Variants in ZNF521 observed in about 807,000 individuals in gnomAD.
ZNF521 encodes zinc finger protein 521.
A neutral mutation model predicts 105.5 loss-of-function variants in ZNF521; 14 were observed. The observed-to-expected ratio is 0.13, with a 90% CI of 0.09 to 0.21. ZNF521 has a LOEUF of 0.21. ZNF521 is among the 10% of genes least tolerant of loss of function. The pLI is 1.00. For synonymous variants in ZNF521, 635 were observed against 606.0 expected (o/e 1.05, Z -0.70); for missense variants, 1,233 against 1,629.7 (o/e 0.76, Z 4.19).
At position 25,344,435 on chromosome 18, in the gene ZNF521, C is replaced by G. The variant is rs76782666; in HGVS notation, c.40+6472G>C. On this transcript the variant is annotated intron_variant, in intron 2 of 7. Coordinates refer to ENST00000361524, the MANE Select transcript of ZNF521 (RefSeq NM_015461.3). ...GAACATATTTTAAATCAGACAAGTACGCTTTCACTACAACAAACAAGGTAT... is the reference window on the plus strand; with the variant it reads ...GAACATATTTTAAATCAGACAAGTAGGCTTTCACTACAACAAACAAGGTAT... Among the ~76,000 whole-genome samples the G allele has an allele frequency of 8.7e-3, 1,324 of 152,226 alleles. 13 individuals are homozygous for G. The highest frequency in any genetic ancestry group is 0.031 in the African/African-American group (1,271 of 41,534).
chr18:25,160,680 G>A (rs1405539852), intron 5 of ZNF521, among the ~76,000 whole-genome samples: 1 of 152,142 alleles, frequency 6.6e-6, no homozygotes, highest in Non-Finnish European at 1.5e-5. Context: ...CATTCCCGTG[G>A]TGAGAAGAAA....
At chr18:25,212,573 A>G (rs1260558088) in intron 4 of ZNF521, among the ~76,000 whole-genome samples, 2 of 137,936 alleles carry the variant, frequency 1.4e-5, no homozygotes, top group African/African-American at 5.6e-5. Context: ...ATATGTATAG[A>G]AACATATATT....
chr18:25,173,013 G>A (rs1398445171), intron 5 of ZNF521, among the ~76,000 whole-genome samples: 5 of 152,164 alleles, frequency 3.3e-5, no homozygotes, highest in Admixed American at 1.3e-4. Flanking sequence ...GTACGCAAAC[G>A]GTTTTACAAA....
At chr18:25,351,011 C>G in intron 1 of ZNF521, 64 bp from the exon 2 acceptor site, 2 of 1,378,044 alleles carry the variant, frequency 1.5e-6, no homozygotes, top group South Asian at 2.9e-5. Context: ...TCCTCGTGGC[C>G]GCGCGCCCCT....
At chr18:25,189,690 T>C (rs1024966099) in intron 5 of ZNF521, among the ~76,000 whole-genome samples, 19 of 152,232 alleles carry the variant, frequency 1.2e-4, no homozygotes, top group African/African-American at 4.6e-4. Flanking sequence ...TTATCCTTTA[T>C]TTAATCTATC....
chr18:25,107,890 G>T (rs1008682785), intron 5 of ZNF521, among the ~76,000 whole-genome samples: 1 of 152,160 alleles, frequency 6.6e-6, no homozygotes, highest in Non-Finnish European at 1.5e-5. Context: ...TCTTCTGGGG[G>T]ATTCAAAAAC....
At chr18:25,279,857 T>A (rs1600250267) in intron 3 of ZNF521, among the ~76,000 whole-genome samples, 1 of 152,312 alleles carries the variant, frequency 6.6e-6, no homozygotes, top group South Asian at 2.1e-4. Context: ...ATGTAGGCAA[T>A]GTTGAATTAC....
chr18:25,257,195 C>T (rs1278845285), intron 3 of ZNF521, among the ~76,000 whole-genome samples: 1 of 152,066 alleles, frequency 6.6e-6, no homozygotes, highest in Admixed American at 6.6e-5. Flanking sequence ...CATCTAAGTT[C>T]CCTCATTTAA....
intron 5 of ZNF521, among the ~76,000 whole-genome samples, chr18:25,115,651 T>C (rs1360529220): frequency 6.6e-6 from 1 of 152,226 alleles, no homozygotes; most frequent in Non-Finnish European, 1.5e-5. Context: ...GAATTCACAT[T>C]ACATTCCTGT....
intron 5 of ZNF521, among the ~76,000 whole-genome samples, chr18:25,181,809 C>T (rs1349801395): frequency 6.6e-6 from 1 of 152,142 alleles, no homozygotes; most frequent in Admixed American, 6.6e-5. Context: ...GGAAGGCTGA[C>T]CCTGCAGTCT....
At chr18:25,135,555 G>T (rs2034718914) in intron 5 of ZNF521, among the ~76,000 whole-genome samples, 2 of 152,134 alleles carry the variant, frequency 1.3e-5, no homozygotes, top group African/African-American at 4.8e-5. Flanking sequence ...ATATGATTTT[G>T]CTCAAACAGG....
rs190300982 is a variant in ZNF521 at position 25,183,943 on chromosome 18, T to C, written c.3658+11217A>G. Among the ~76,000 whole-genome samples the C allele has an allele frequency of 2.6e-5, 4 of 152,288 alleles. No homozygotes were observed. The East Asian group carries it at 7.7e-4, about 29-fold the overall frequency. On this transcript the variant is annotated intron_variant, in intron 5 of 7. Coordinates refer to ENST00000361524, the MANE Select transcript of ZNF521 (RefSeq NM_015461.3). ...TTTAAAAGGCCATTTTGAAATAATA[T>C]GTAAAAGCTAAAGGAACATAGCTTT...
Position 25,096,853 on chromosome 18 carries a change from C to T in ZNF521, c.3659-4772G>A, listed in dbSNP as rs1202450397. Among the ~76,000 whole-genome samples the T allele has an allele frequency of 3.9e-5, 6 of 152,134 alleles. No homozygotes were observed. The East Asian group carries it at 5.8e-4, about 15-fold the overall frequency. ...CCCTCCTGCTATATCACCATGTGGC[C>T]GGGGCCATACTTAAAAGCTCTGATC... On this transcript the variant is annotated intron_variant, in intron 5 of 7. Coordinates refer to ENST00000361524, the MANE Select transcript of ZNF521 (RefSeq NM_015461.3).
rs574262287 is a variant in ZNF521, at chr18:25,117,594, G to T, written c.3659-25513C>A. ...AAGAGGAAAAATAGCCTATAAAAGG[G>T]TATCAAATGGAAATTCTTAAACTGA... On this transcript the variant is annotated intron_variant, in intron 5 of 7. Coordinates refer to ENST00000361524, the MANE Select transcript of ZNF521 (RefSeq NM_015461.3). Among the ~76,000 whole-genome samples the T allele has an allele frequency of 5.3e-5, 8 of 152,086 alleles. No individual in the cohort carries two copies. In the South Asian group the frequency reaches 1.7e-3, roughly 32 times the overall value.
chr18:25,281,567 C>T (rs1461051300), intron 3 of ZNF521, among the ~76,000 whole-genome samples: 1 of 152,210 alleles, frequency 6.6e-6, no homozygotes, highest in African/African-American at 2.4e-5. Flanking sequence ...ATGTTCTAAA[C>T]TCACACTGTG....
chr18:25,143,887 T>C (rs531816872), intron 5 of ZNF521, among the ~76,000 whole-genome samples: 1 of 152,222 alleles, frequency 6.6e-6, no homozygotes, highest in Non-Finnish European at 1.5e-5. Context: ...ATATTTTCAC[T>C]GGTACATGAA....
intron 7 of ZNF521, among the ~76,000 whole-genome samples, chr18:25,078,102 C>T (rs908809945): frequency 6.6e-6 from 1 of 152,156 alleles, no homozygotes; most frequent in Non-Finnish European, 1.5e-5. Flanking sequence ...ACAGGGCCCC[C>T]GCTGATGGAG....
chr18:25,299,886 G>A (rs1911534493), intron 3 of ZNF521, among the ~76,000 whole-genome samples: 3 of 152,192 alleles, frequency 2.0e-5, no homozygotes, highest in African/African-American at 7.2e-5. Context: ...TTCCCAAGGT[G>A]ACCACAACGA....
intron 5 of ZNF521, among the ~76,000 whole-genome samples, chr18:25,125,518 T>C (rs1213273341): frequency 2.0e-5 from 3 of 152,000 alleles, no homozygotes; most frequent in South Asian, 2.1e-4. Flanking sequence ...TGTGTGTGTA[T>C]GTGTATATGT....
Sources: allele counts gnomAD v4.1 joint callset (sites outside exome capture counted in the v4.1 genomes callset), GRCh38; gene constraint gnomAD v4.1.1; transcripts MANE v1.5; gene names NCBI Gene and HGNC (gene_info 2026-07-23, HGNC 2026-07-21).